The following MTMR12 variants were observed in gnomAD, a reference collection of about 807,000 sequenced individuals.
MTMR12 encodes myotubularin-related protein 12.
A neutral mutation model predicts 96.7 loss-of-function variants in MTMR12; 33 were observed. That is an observed-to-expected ratio of 0.34 (90% CI 0.26 to 0.46). MTMR12 has a LOEUF of 0.46. Among genes scored for constraint, MTMR12 ranks in the 20% least tolerant of loss-of-function variants. The pLI, the probability that MTMR12 is intolerant of heterozygous loss-of-function variation, is 1.00. For synonymous variants in MTMR12, 298 were observed against 327.2 expected, an observed-to-expected ratio of 0.91 and a Z score of 0.96; for missense variants, 721 against 896.1, an observed-to-expected ratio of 0.80 and a Z score of 2.49.
intron 5 of MTMR12, 90 bp downstream of exon 5, chr5:32,270,727 C>T (rs1749797160): frequency 7.1e-7 from 1 of 1,409,090 alleles, no homozygotes; most frequent in Non-Finnish European, 9.6e-7. Context: ...GAAAGCCTCC[C>T]CTCAACCTTC....
At chr5:32,281,386 G>A (rs1750289087) in intron 1 of MTMR12, among the ~76,000 whole-genome samples, 1 of 151,904 alleles carries the variant, frequency 6.6e-6, no homozygotes, top group South Asian at 2.1e-4. Flanking sequence ...AGGAATTCCT[G>A]AAATTAGCAA....
chr5:32,309,163 C>T (rs1751480591), intron 1 of MTMR12, among the ~76,000 whole-genome samples: 2 of 152,214 alleles, frequency 1.3e-5, no homozygotes, highest in South Asian at 4.1e-4. Context: ...GGAAACATGT[C>T]TAATTACAAC....
rs769772016 is a variant in MTMR12, at chr5:32,263,177, G to A, written c.649C>T (p.Arg217Trp). The stretch of plus-strand genomic sequence containing the variant: ...TTGTACTTCATGTTGCCTTTGGTCC[G>A]TTCCAGTTCCCAACACCAGTCCTTA... The part of the protein sequence containing the change: ...TLKDWCWELE[R>W]TKGNMKYKAV... Residue 217 changes from arginine (R) to tryptophan (W), a missense_variant, in exon 7 of 16, where the codon CGG becomes TGG. By Grantham distance (101) the Arg-to-Trp change is moderately radical. Coordinates refer to ENST00000382142, the MANE Select transcript of MTMR12 (RefSeq NM_001040446.3). 6.2e-7 allele frequency: 1 copy of A among 1,614,178 alleles called. No individual in the cohort carries two copies. Among genetic ancestry groups the A allele is most frequent in the Non-Finnish European group, 8.5e-7 (1 of 1,180,042 alleles).
intron 1 of MTMR12, among the ~76,000 whole-genome samples, chr5:32,299,231 C>T (rs928140803): frequency 8.5e-5 from 13 of 152,246 alleles, no homozygotes; most frequent in African/African-American, 2.9e-4. Context: ...AGCAACCTTA[C>T]GGGCTTTTAT....
intron 3 of MTMR12, among the ~76,000 whole-genome samples, chr5:32,272,531 C>T (rs1314840314): frequency 6.6e-6 from 1 of 151,936 alleles, no homozygotes; most frequent in African/African-American, 2.4e-5. Flanking sequence ...AGGCACACTC[C>T]ACCACTCCTA....
Position 32,308,072 on chromosome 5 carries a change from C to T in MTMR12, c.81+4686G>A, listed in dbSNP as rs928661299. Among the ~76,000 whole-genome samples, 3 of 152,292 alleles carry T rather than the reference C, an allele frequency of 2.0e-5. No homozygotes were observed. The East Asian group carries it at 5.8e-4, about 29-fold the overall frequency. On this transcript the variant is annotated intron_variant, in intron 1 of 15. Coordinates refer to ENST00000382142, the MANE Select transcript of MTMR12 (RefSeq NM_001040446.3). ...GGTGGGGTGGCTCACGCCTGTAATCCCAGCACTTTGGTTGGCCAAGGTGGG... is the reference window on the plus strand; with the variant it reads ...GGTGGGGTGGCTCACGCCTGTAATCTCAGCACTTTGGTTGGCCAAGGTGGG...
At chr5:32,235,559 G>A (rs893530260) in intron 13 of MTMR12, among the ~76,000 whole-genome samples, 22 of 152,054 alleles carry the variant, frequency 1.4e-4, no homozygotes, top group Admixed American at 5.9e-4. Context: ...GAAAAGTTAC[G>A]GGGGGTGGGA....
intron 1 of MTMR12, among the ~76,000 whole-genome samples, chr5:32,284,317 CAAAAAA>C (rs57597487): frequency 6.3e-5 from 3 of 47,276 alleles, no homozygotes; most frequent in Non-Finnish European, 9.1e-5. Context: ...GACCCTGTCT[CAAAAAA>C]AAAAAAAAAA....
chr5:32,307,121 C>T (rs913110551), intron 1 of MTMR12, among the ~76,000 whole-genome samples: 9 of 152,052 alleles, frequency 5.9e-5, no homozygotes, highest in African/African-American at 2.2e-4. Context: ...TATATATATA[C>T]CTACACATAT....
chr5:32,283,660 C>A (rs1750398924), intron 1 of MTMR12, among the ~76,000 whole-genome samples: 1 of 152,226 alleles, frequency 6.6e-6, no homozygotes, highest in East Asian at 1.9e-4. Flanking sequence ...AGTGAAGTAC[C>A]TGCTAGATCC....
chr5:32,312,790 TG>T lies in MTMR12; in HGVS notation c.48del (p.Lys17SerfsTer20). The T allele has an allele frequency of 3.3e-6, 5 of 1,533,518 alleles. No individual in the cohort carries two copies. Among genetic ancestry groups the T allele is most frequent in the Admixed American group, 2.0e-5 (1 of 49,656 alleles). The allele number at this position is 1,533,518 out of a possible 1,614,324, so 95.0% of individuals were successfully genotyped here. A position where few individuals can be genotyped will look rare whatever the true frequency, so the allele number is the denominator to read the frequency against. On this transcript the variant is annotated frameshift_variant, in exon 1 of 16. Transcript: ENST00000382142. LOFTEE classifies it high-confidence loss of function. This position sits in a 1 kb window ranked among gnomAD's most constrained non-coding sequence, Gnocchi z 5.0. ...VVGGGGGTKA[P>X]KPSFVSYVRP... ...CGTACGTACGACACGAAGGAGGGCTTGGGGGCCTTGGTGCCGCCGCCACCGC... is the reference window on the plus strand; with the variant it reads ...CGTACGTACGACACGAAGGAGGGCTTGGGGCCTTGGTGCCGCCGCCACCGC...
chr5:32,277,304 C>G (rs1750093601), intron 1 of MTMR12, among the ~76,000 whole-genome samples: 1 of 152,126 alleles, frequency 6.6e-6, no homozygotes, highest in African/African-American at 2.4e-5. Context: ...GTAGCTGTCC[C>G]AAGTAGAGGG....
chr5:32,250,135 A>G (rs1748859392), intron 8 of MTMR12, among the ~76,000 whole-genome samples: 2 of 152,170 alleles, frequency 1.3e-5, no homozygotes, highest in African/African-American at 4.8e-5. Context: ...CTACACTTAG[A>G]AAATCACAAA....
chr5:32,299,091 A>G (rs1299538590), intron 1 of MTMR12, among the ~76,000 whole-genome samples: 1 of 152,030 alleles, frequency 6.6e-6, no homozygotes, highest in Non-Finnish European at 1.5e-5. Flanking sequence ...ACACACGCAC[A>G]CACACACACA....
At chr5:32,254,490 T>A (rs1472499081) in intron 8 of MTMR12, among the ~76,000 whole-genome samples, 1 of 152,214 alleles carries the variant, frequency 6.6e-6, no homozygotes, top group East Asian at 1.9e-4. Context: ...TGACCAACTC[T>A]GTCCCCAAAA....
Position 32,312,155 on chromosome 5 carries a change from G to A in MTMR12, c.81+603C>T, listed in dbSNP as rs1465682707. 1.3e-5 allele frequency among the ~76,000 whole-genome samples: 2 copies of A among 152,220 alleles called. No individual in the cohort carries two copies. The highest frequency in any genetic ancestry group is 2.9e-5 in the Non-Finnish European group (2 of 68,040). ...GTAAGAAGTGGGTGGAAAGGATGAT[G>A]GTGAGGGGATGAGGAGAAAGAAGCG... On this transcript the variant is annotated intron_variant, in intron 1 of 15. Transcript: ENST00000382142. The surrounding 1 kb of genome is among the most constrained non-coding windows in gnomAD (Gnocchi z 5.0).
intron 1 of MTMR12, among the ~76,000 whole-genome samples, chr5:32,287,076 AAAG>A (rs1750567430): frequency 6.6e-6 from 1 of 152,378 alleles, no homozygotes; most frequent in African/African-American, 2.4e-5. Flanking sequence ...AGAAAGGGTC[AAAG>A]AAGACTGCTG....
rs1450002012 is a variant in MTMR12 at position 32,312,578 on chromosome 5, A to G, written c.81+180T>C. Among the ~76,000 whole-genome samples the G allele has an allele frequency of 6.6e-6, 1 of 151,908 alleles. No homozygotes were observed. The highest frequency in any genetic ancestry group is 2.4e-5 in the African/African-American group (1 of 41,370). On this transcript the variant is annotated intron_variant, in intron 1 of 15. Transcript: ENST00000382142. The surrounding 1 kb of genome is among the most constrained non-coding windows in gnomAD (Gnocchi z 5.0). Reference sequence around the variant, plus strand: ...CCTGCCTGCCTGCGCCGGGGTCCCCATTCCGGCCCGCGCGGAGGCCCCAGC... The same window carrying G: ...CCTGCCTGCCTGCGCCGGGGTCCCCGTTCCGGCCCGCGCGGAGGCCCCAGC...
chr5:32,255,784 G>A lies in MTMR12; in HGVS notation c.714-16C>T. On this transcript the variant is annotated splice_polypyrimidine_tract_variant and intron_variant, in intron 7 of 15. Coordinates refer to ENST00000382142, the MANE Select transcript of MTMR12 (RefSeq NM_001040446.3). ...TGCTGGCAATCTAGAAGAAAGAAAT[G>A]TCATCAAGTTTTAGTACAACACTTA... 1.9e-6 allele frequency: 3 copies of A among 1,597,722 alleles called. No individual in the cohort carries two copies. The highest frequency in any genetic ancestry group is 1.7e-6 in the Non-Finnish European group (2 of 1,169,616).
Sources: allele counts gnomAD v4.1 joint callset (sites outside exome capture counted in the v4.1 genomes callset), GRCh38; gene constraint gnomAD v4.1.1; non-coding constraint Gnocchi (gnomAD v3.1); transcripts MANE v1.5; gene names NCBI Gene and HGNC (gene_info 2026-07-23, HGNC 2026-07-21).